Variants in GLG1 observed in about 807,000 individuals in gnomAD.
GLG1 encodes the protein golgi glycoprotein 1.
In GLG1, 38 loss-of-function variants were observed where a neutral mutation model predicts 160.5. The observed-to-expected ratio is 0.24, with a 90% CI of 0.18 to 0.31. The LOEUF (loss-of-function observed/expected upper bound fraction) is 0.31, where lower values mean the gene tolerates loss of function less well. Among genes scored for constraint, GLG1 ranks in the 10% least tolerant of loss-of-function variants. The pLI, the probability that GLG1 is intolerant of heterozygous loss-of-function variation, is 1.00. For missense variants in GLG1, 1,373 were observed against 1,505.2 expected (o/e 0.91, Z 1.45); for synonymous variants, 644 against 543.4 (o/e 1.19, Z -2.57).
At chr16:74,547,650 T>C (rs1411488893) in intron 1 of GLG1, among the ~76,000 whole-genome samples, 2 of 152,270 alleles carry the variant, frequency 1.3e-5, no homozygotes, top group South Asian at 2.1e-4. Context: ...GTGCTTTGAA[T>C]TTGAGCTATG....
At chr16:74,533,247 G>A (rs536020588) in intron 1 of GLG1, among the ~76,000 whole-genome samples, 2 of 152,206 alleles carry the variant, frequency 1.3e-5, no homozygotes, top group South Asian at 4.1e-4. Flanking sequence ...CATGAACCCG[G>A]GAGGCGGAGC....
At position 74,579,072 on chromosome 16, in the gene GLG1, G is replaced by C. The variant is rs555469518; in HGVS notation, c.438+27585C>G. Among the ~76,000 whole-genome samples, 15 of 152,278 alleles carry C rather than the reference G, an allele frequency of 9.9e-5. No homozygotes were observed. The South Asian group carries it at 2.9e-3, about 29-fold the overall frequency. ...TGCAATAACGTACACAAGCTGAGAA[G>C]TTAAATTCATAAGTTGTTTTTAAAA... On this transcript the variant is annotated intron_variant, in intron 1 of 25. Coordinates refer to ENST00000422840, the MANE Select transcript of GLG1 (RefSeq NM_001145667.2).
chr16:74,469,452 T>C (rs1479702745), intron 16 of GLG1: 2 of 208,108 alleles, frequency 9.6e-6, no homozygotes, highest in East Asian at 1.1e-4. Flanking sequence ...ATTGGGAATT[T>C]GGTTTGTATG....
chr16:74,494,745 CA>C lies in GLG1; in HGVS notation c.1050+14del. On this transcript the variant is annotated intron_variant, in intron 6 of 25. Transcript: ENST00000422840. ...AAACAAATAAAACATTCATTAGTTTCAAAATAATACTTACCTTTTCACTCAT... is the reference window on the plus strand; with the variant it reads ...AAACAAATAAAACATTCATTAGTTTCAAATAATACTTACCTTTTCACTCAT... 8.5e-7 allele frequency: 1 copy of C among 1,172,960 alleles called. No homozygotes were observed. The highest frequency in any genetic ancestry group is 1.3e-6 in the Non-Finnish European group (1 of 779,516). 72.7% of individuals were successfully genotyped at this position (1,172,960 alleles called of 1,614,324 possible).
At chr16:74,557,646 C>T (rs979415057) in intron 1 of GLG1, among the ~76,000 whole-genome samples, 2 of 152,110 alleles carry the variant, frequency 1.3e-5, no homozygotes, top group Admixed American at 6.6e-5. Flanking sequence ...GCAAAGGAGG[C>T]TAAAGAACAT....
chr16:74,520,028 TAA>T (rs1381288356), intron 2 of GLG1, among the ~76,000 whole-genome samples: 2 of 152,230 alleles, frequency 1.3e-5, no homozygotes, highest in East Asian at 1.9e-4. Context: ...GCTCTATAGT[TAA>T]GTCACTTATT....
At chr16:74,515,671 G>T (rs568108784) in intron 2 of GLG1, among the ~76,000 whole-genome samples, 1 of 151,808 alleles carries the variant, frequency 6.6e-6, no homozygotes, top group African/African-American at 2.4e-5. Context: ...CCTACACGTT[G>T]TGTACATGTA....
Position 74,483,053 on chromosome 16 carries a change from T to C in GLG1, c.1643A>G (p.Glu548Gly). 6.2e-7 allele frequency: 1 copy of C among 1,607,644 alleles called. No homozygotes were observed. The highest frequency in any genetic ancestry group is 1.1e-5 in the South Asian group (1 of 90,944). ...ATCCCGGGAGATGAAATACTGCAGC[T>C]CTAAGAGACGGTGTTCACAGTCTTC... Reference protein sequence around the residue: ...MVEDCEHRLLELQYFISRDWK... With the variant: ...MVEDCEHRLLGLQYFISRDWK... Residue 548 changes from glutamate to glycine, a missense_variant, in exon 10 of 26, where the codon GAG becomes GGG. Glu to Gly is a moderately conservative substitution (Grantham distance 98, BLOSUM62 -2). Coordinates refer to ENST00000422840, the MANE Select transcript of GLG1 (RefSeq NM_001145667.2).
intron 2 of GLG1, among the ~76,000 whole-genome samples, chr16:74,514,189 G>T (rs1433620584): frequency 1.3e-5 from 2 of 152,176 alleles, no homozygotes; most frequent in African/African-American, 4.8e-5. Context: ...GTGACAGGGA[G>T]AATGGAACCA....
chr16:74,462,958 A>C, intron 20 of GLG1: 1 of 415,726 alleles, frequency 2.4e-6, no homozygotes, highest in Non-Finnish European at 4.3e-6. Flanking sequence ...ACTGAAAAAG[A>C]AATACAATAT....
chr16:74,457,736 C>A (rs2143146034), intron 24 of GLG1, 138 bp downstream of exon 24: 2 of 688,598 alleles, frequency 2.9e-6, no homozygotes, highest in Non-Finnish European at 4.8e-6. Context: ...TCACCCAGGT[C>A]CCCAGGGAAT....
intron 1 of GLG1, among the ~76,000 whole-genome samples, chr16:74,556,046 C>T (rs2018344075): frequency 6.6e-6 from 1 of 152,070 alleles, no homozygotes; most frequent in Non-Finnish European, 1.5e-5. Flanking sequence ...ACTATGTTGC[C>T]TGAGCTAGTC....
chr16:74,552,851 C>T (rs1365973753), intron 1 of GLG1: 1 of 152,204 alleles, frequency 6.6e-6, no homozygotes, highest in Non-Finnish European at 1.5e-5. Context: ...TTCTGAATGT[C>T]TTCCCTAGTT....
At chr16:74,456,605 T>C (rs2014550678) in intron 25 of GLG1, 44 bp downstream of exon 25, 2 of 1,166,540 alleles carry the variant, frequency 1.7e-6, no homozygotes, top group East Asian at 4.6e-5. Context: ...AAGTGTTCCA[T>C]ATTTTTTTGT....
intron 10 of GLG1, among the ~76,000 whole-genome samples, chr16:74,481,355 T>C (rs1458011923): frequency 2.0e-5 from 3 of 152,322 alleles, no homozygotes; most frequent in African/African-American, 7.2e-5. Flanking sequence ...TGCTTAATTC[T>C]GTCCATATTA....
intron 2 of GLG1, among the ~76,000 whole-genome samples, chr16:74,526,426 TA>T (rs1436908365): frequency 1.4e-5 from 2 of 145,866 alleles, no homozygotes; most frequent in Non-Finnish European, 3.0e-5. Context: ...CTTTGAGATT[TA>T]AAAAATACAC....
At chr16:74,542,102 T>TAA (rs769990078) in intron 1 of GLG1, among the ~76,000 whole-genome samples, 2 of 148,886 alleles carry the variant, frequency 1.3e-5, no homozygotes, top group African/African-American at 5.0e-5. Flanking sequence ...TCTGCCCTCT[T>TAA]AGAGTCCTAG....
intron 1 of GLG1, among the ~76,000 whole-genome samples, chr16:74,544,169 T>G (rs2017978866): frequency 6.6e-6 from 1 of 152,176 alleles, no homozygotes; most frequent in Non-Finnish European, 1.5e-5. Flanking sequence ...CAAAGAAGAC[T>G]CCTAAGTACT....
chr16:74,524,740 T>C (rs1179690007), intron 2 of GLG1, among the ~76,000 whole-genome samples: 5 of 152,210 alleles, frequency 3.3e-5, no homozygotes, highest in Admixed American at 1.3e-4. Flanking sequence ...TCTGTTGAGA[T>C]AGAATTTACA....
Sources: gnomAD v4.1 joint callset for allele counts (sites outside exome capture counted in the v4.1 genomes callset) on GRCh38, gnomAD v4.1.1 for gene constraint, MANE v1.5 for transcripts, NCBI Gene and HGNC (gene_info 2026-07-23, HGNC 2026-07-21) for gene names.